The following HS6ST3 variants were observed in gnomAD, a reference collection of about 807,000 sequenced individuals.
The protein encoded by HS6ST3 is heparan sulfate 6-O-sulfotransferase 3, also known as heparan-sulfate 6-O-sulfotransferase 3.
Under a neutral mutation model 36.7 loss-of-function variants are expected in HS6ST3, and 12 were observed. That is an observed-to-expected ratio of 0.33 (90% CI 0.21 to 0.53). The LOEUF is 0.53. Among genes scored for constraint, HS6ST3 ranks in the 20% least tolerant of loss-of-function variants. The pLI is 0.95. For missense variants in HS6ST3, 584 were observed against 640.9 expected, an observed-to-expected ratio of 0.91 and a Z score of 0.96; for synonymous variants, 240 against 257.5, an observed-to-expected ratio of 0.93 and a Z score of 0.65.
At chr13:96,510,672 C>G (rs1439948622) in intron 1 of HS6ST3, among the ~76,000 whole-genome samples, 1 of 152,056 alleles carries the variant, frequency 6.6e-6, no homozygotes, top group Non-Finnish European at 1.5e-5. Flanking sequence ...TGTTCCTGCT[C>G]CTTAGTTCAT....
chr13:96,158,945 A>T (rs1359772447), intron 1 of HS6ST3, among the ~76,000 whole-genome samples: 1 of 152,174 alleles, frequency 6.6e-6, no homozygotes. Context: ...AAGGACACAT[A>T]GGCAGAAACT....
chr13:96,694,526 A>G (rs1875067891), intron 1 of HS6ST3, among the ~76,000 whole-genome samples: 1 of 152,142 alleles, frequency 6.6e-6, no homozygotes, highest in Non-Finnish European at 1.5e-5. Flanking sequence ...ATATAGATAG[A>G]ATGATTTCTA....
chr13:96,668,292 G>C (rs2056670962), intron 1 of HS6ST3, among the ~76,000 whole-genome samples: 1 of 151,998 alleles, frequency 6.6e-6, no homozygotes, highest in Non-Finnish European at 1.5e-5. Flanking sequence ...AGCTTTTAAT[G>C]GATTATCTTA....
chr13:96,777,774 A>G (rs1021178411), intron 1 of HS6ST3, among the ~76,000 whole-genome samples: 1 of 152,206 alleles, frequency 6.6e-6, no homozygotes, highest in Non-Finnish European at 1.5e-5. Flanking sequence ...ATTCAATGCT[A>G]TCCCCATCAA....
chr13:96,460,992 C>T (rs974842098), intron 1 of HS6ST3, among the ~76,000 whole-genome samples: 8 of 152,250 alleles, frequency 5.3e-5, no homozygotes, highest in South Asian at 2.1e-4. Context: ...TAATTGTCTG[C>T]GATTTACATA....
intron 1 of HS6ST3, among the ~76,000 whole-genome samples, chr13:96,547,337 C>T (rs1467934106): frequency 6.6e-6 from 1 of 152,144 alleles, no homozygotes; most frequent in Non-Finnish European, 1.5e-5. Flanking sequence ...ATCAACAATT[C>T]TAGCATTTCT....
At chr13:96,488,604 C>CTAAA (rs1411576287) in intron 1 of HS6ST3, among the ~76,000 whole-genome samples, 1 of 151,994 alleles carries the variant, frequency 6.6e-6, no homozygotes, top group Non-Finnish European at 1.5e-5. Flanking sequence ...TTTTTTCGCC[C>CTAAA]TAAAGTGGTT....
At chr13:96,521,786 T>A (rs2056094562) in intron 1 of HS6ST3, among the ~76,000 whole-genome samples, 1 of 152,166 alleles carries the variant, frequency 6.6e-6, no homozygotes, top group South Asian at 2.1e-4. Flanking sequence ...ATTTTGTTGA[T>A]CTTTTCAAAA....
intron 1 of HS6ST3, among the ~76,000 whole-genome samples, chr13:96,579,920 T>C (rs867243677): frequency 6.6e-6 from 1 of 152,198 alleles, no homozygotes; most frequent in African/African-American, 2.4e-5. Flanking sequence ...TGCTGGATAA[T>C]GAACAATATA....
chr13:96,720,505 AAG>A (rs1314719513), intron 1 of HS6ST3, among the ~76,000 whole-genome samples: 1 of 152,088 alleles, frequency 6.6e-6, no homozygotes, highest in Non-Finnish European at 1.5e-5. Flanking sequence ...AAAAAAAATG[AAG>A]AGAGAGTCTT....
chr13:96,735,015 A>G (rs768490782), intron 1 of HS6ST3, among the ~76,000 whole-genome samples: 2 of 152,192 alleles, frequency 1.3e-5, no homozygotes, highest in Non-Finnish European at 2.9e-5. Flanking sequence ...CTGCAGAGCT[A>G]TTTTGGATGC....
chr13:96,513,289 C>G (rs1286931751), intron 1 of HS6ST3, among the ~76,000 whole-genome samples: 1 of 151,626 alleles, frequency 6.6e-6, no homozygotes, highest in Non-Finnish European at 1.5e-5. Flanking sequence ...GGGGCGAGAT[C>G]TAAAGATTCC....
chr13:96,689,746 C>T (rs1594836971), intron 1 of HS6ST3, among the ~76,000 whole-genome samples: 1 of 151,440 alleles, frequency 6.6e-6, no homozygotes, highest in Non-Finnish European at 1.5e-5. Flanking sequence ...AGAGCGGCTG[C>T]TCCCTTGGCT....
chr13:96,334,284 T>C (rs560869394), intron 1 of HS6ST3, among the ~76,000 whole-genome samples: 120 of 152,178 alleles, frequency 7.9e-4, no homozygotes, highest in Non-Finnish European at 1.5e-3. Context: ...ATCCTCCCAA[T>C]AGTGAGTTCT....
Position 96,537,968 on chromosome 13 carries a change from G to A in HS6ST3, c.708-294522G>A, listed in dbSNP as rs534553638. Among the ~76,000 whole-genome samples, 3 of 152,294 alleles carry A rather than the reference G, an allele frequency of 2.0e-5. No individual in the cohort carries two copies. The South Asian group carries it at 6.2e-4, about 32-fold the overall frequency. ...GGATACCAGAAGAAGAGGTGAGCAT[G>A]AGATAAAGTCACTCCTCCCTTCAAT... On this transcript the variant is annotated intron_variant, in intron 1 of 1. Transcript: ENST00000376705.
intron 1 of HS6ST3, among the ~76,000 whole-genome samples, chr13:96,439,166 A>T (rs138702106): frequency 6.6e-6 from 1 of 152,348 alleles, no homozygotes; most frequent in East Asian, 1.9e-4. Context: ...TTTAGTGGAA[A>T]GAACAGTGGA....
At chr13:96,259,567 C>T (rs1033064076) in intron 1 of HS6ST3, among the ~76,000 whole-genome samples, 2 of 152,142 alleles carry the variant, frequency 1.3e-5, no homozygotes, top group African/African-American at 4.8e-5. Context: ...TTTGAAGAGC[C>T]GTGGAAAACA....
At position 96,317,349 on chromosome 13, in the gene HS6ST3, TATA is replaced by T. The variant is rs1566322002; in HGVS notation, c.707+225781_707+225783del. Among the ~76,000 whole-genome samples, 20 of 79,150 alleles carry T rather than the reference TATA, an allele frequency of 2.5e-4. 2 individuals carry two copies. Among genetic ancestry groups the T allele is most frequent in the African/African-American group, 8.4e-4 (17 of 20,352 alleles). The allele number at this position is 79,150 out of a possible 152,430, so 51.9% of individuals were successfully genotyped here. On this transcript the variant is annotated intron_variant, in intron 1 of 1. Transcript: ENST00000376705. ...CATTATATATATATATATATATATA[TATA>T]TATATATATATATATAAAATTATAT...
At chr13:96,683,052 G>C (rs965689737) in intron 1 of HS6ST3, among the ~76,000 whole-genome samples, 1 of 152,046 alleles carries the variant, frequency 6.6e-6, no homozygotes, top group Admixed American at 6.6e-5. Flanking sequence ...TTGTTATAAG[G>C]ATTATTTGCA....
Sources: gnomAD v4.1 joint callset for allele counts (sites outside exome capture counted in the v4.1 genomes callset) on GRCh38, gnomAD v4.1.1 for gene constraint, MANE v1.5 for transcripts, NCBI Gene and HGNC (gene_info 2026-07-23, HGNC 2026-07-21) for gene names.